Variants in TMEM132D observed in about 807,000 individuals in gnomAD.
TMEM132D encodes mature OL transmembrane protein.
In TMEM132D, 21 loss-of-function variants were observed where a neutral mutation model predicts 62.3. That is an observed-to-expected ratio of 0.34 (90% CI 0.24 to 0.49). The LOEUF (loss-of-function observed/expected upper bound fraction) is 0.49, where lower values mean the gene tolerates loss of function less well. Ranked by LOEUF, TMEM132D falls within the 20% of genes least tolerant of loss-of-function variation. The probability of loss-of-function intolerance (pLI) is 0.99; values close to 1 mark genes in which losing one functional copy is unlikely to be tolerated. For missense variants in TMEM132D, 1,346 were observed against 1,402.8 expected, an observed-to-expected ratio of 0.96 and a Z score of 0.65; for synonymous variants, 621 against 575.6, an observed-to-expected ratio of 1.08 and a Z score of -1.13.
At chr12:129,245,562 T>G (rs1880075497) in intron 4 of TMEM132D, among the ~76,000 whole-genome samples, 1 of 152,112 alleles carries the variant, frequency 6.6e-6, no homozygotes, top group Admixed American at 6.6e-5. Context: ...AACTTTTTTT[T>G]TTTTTGGAAT....
chr12:129,231,407 C>T (rs1879636227), intron 4 of TMEM132D, among the ~76,000 whole-genome samples: 1 of 152,162 alleles, frequency 6.6e-6, no homozygotes, highest in African/African-American at 2.4e-5. Context: ...TTTACATTTC[C>T]TGGCTGGAAT....
intron 2 of TMEM132D, among the ~76,000 whole-genome samples, chr12:129,593,884 T>C (rs1878263926): frequency 6.6e-6 from 1 of 152,092 alleles, no homozygotes; most frequent in African/African-American, 2.4e-5. Flanking sequence ...GTTTTTAAAG[T>C]TTTTATATTT....
At chr12:129,395,928 C>T (rs889279732) in intron 3 of TMEM132D, among the ~76,000 whole-genome samples, 6 of 145,040 alleles carry the variant, frequency 4.1e-5, no homozygotes, top group African/African-American at 1.5e-4. Context: ...ATATTATACA[C>T]ATACTATATA....
chr12:129,636,672 T>TAATGACCA (rs1473805210), intron 2 of TMEM132D, among the ~76,000 whole-genome samples: 1 of 147,752 alleles, frequency 6.8e-6, no homozygotes, highest in African/African-American at 2.5e-5. Flanking sequence ...TTTTCCCAGG[T>TAATGACCA]AATGACCAAG....
At chr12:129,619,318 T>A (rs777275447) in intron 2 of TMEM132D, among the ~76,000 whole-genome samples, 19 of 152,298 alleles carry the variant, frequency 1.2e-4, no homozygotes, top group Middle Eastern at 3.4e-3. Flanking sequence ...TCGATCTGCA[T>A]CCCTGTTGAA....
At chr12:129,096,402 G>A (rs529520667) in intron 5 of TMEM132D, among the ~76,000 whole-genome samples, 1 of 152,120 alleles carries the variant, frequency 6.6e-6, no homozygotes, top group Non-Finnish European at 1.5e-5. Flanking sequence ...GGATGGCAGC[G>A]GGAGCTCTTG....
At chr12:129,109,208 A>C (rs935757492) in intron 5 of TMEM132D, among the ~76,000 whole-genome samples, 2 of 152,172 alleles carry the variant, frequency 1.3e-5, no homozygotes, top group Non-Finnish European at 2.9e-5. Flanking sequence ...TGGCCGTGTG[A>C]GTTTTTCCTT....
intron 3 of TMEM132D, among the ~76,000 whole-genome samples, chr12:129,373,283 C>T (rs949245182): frequency 6.6e-6 from 1 of 152,130 alleles, no homozygotes; most frequent in Non-Finnish European, 1.5e-5. Context: ...AAAGTTTGGG[C>T]CTCATAAAAA....
At chr12:129,286,352 A>G (rs1009213788) in intron 4 of TMEM132D, among the ~76,000 whole-genome samples, 8 of 152,236 alleles carry the variant, frequency 5.3e-5, no homozygotes, top group Non-Finnish European at 1.2e-4. Context: ...TCATCTTCTT[A>G]TAGTTCAGCT....
chr12:129,722,734 C>CTTTCTTTTTT (rs1565962313), intron 1 of TMEM132D, among the ~76,000 whole-genome samples: 1 of 36,870 alleles, frequency 2.7e-5, no homozygotes, highest in Non-Finnish European at 7.8e-5. Context: ...GCTCCTTTTT[C>CTTTCTTTTTT]TTTTTTTCTT....
Position 129,572,276 on chromosome 12 carries a change from G to A in TMEM132D, c.969-41071C>T, listed in dbSNP as rs117600782. ...TGTGCACAGTGTCTGGAATAAGGTC[G>A]TGCTGCCTTGACGCCGCCTGTTGAA... is the stretch of plus-strand genomic sequence containing the variant. On this transcript the variant is annotated intron_variant, in intron 2 of 8. Coordinates refer to ENST00000422113, the MANE Select transcript of TMEM132D (RefSeq NM_133448.3). Among the ~76,000 whole-genome samples the A allele has an allele frequency of 5.3e-3, 814 of 152,348 alleles. 21 individuals are homozygous for A. In the South Asian group the frequency reaches 0.073, roughly 14 times the overall value.
At chr12:129,208,823 T>C (rs1397654078) in intron 5 of TMEM132D, 1 of 152,252 alleles carries the variant, frequency 6.6e-6, no homozygotes, top group Non-Finnish European at 1.5e-5. Context: ...AAGTGTGCTA[T>C]GAGGTTCCTG....
intron 4 of TMEM132D, among the ~76,000 whole-genome samples, chr12:129,289,694 A>C (rs1333882107): frequency 6.6e-6 from 1 of 152,238 alleles, no homozygotes; most frequent in Non-Finnish European, 1.5e-5. Context: ...ATTGAGGGGT[A>C]ATATGCTAAT....
At chr12:129,282,939 TC>T (rs1470230649) in intron 4 of TMEM132D, among the ~76,000 whole-genome samples, 5 of 152,188 alleles carry the variant, frequency 3.3e-5, no homozygotes, top group Non-Finnish European at 7.3e-5. Flanking sequence ...TGTCTGCCTT[TC>T]TGGTCATCTG....
intron 3 of TMEM132D, among the ~76,000 whole-genome samples, chr12:129,338,764 T>C (rs1379768849): frequency 6.6e-6 from 1 of 152,214 alleles, no homozygotes; most frequent in East Asian, 1.9e-4. Flanking sequence ...CTCTGACATG[T>C]AGGAGAATAA....
At chr12:129,394,683 G>T (rs1340385828) in intron 3 of TMEM132D, among the ~76,000 whole-genome samples, 1 of 152,236 alleles carries the variant, frequency 6.6e-6, no homozygotes, top group African/African-American at 2.4e-5. Context: ...CACATACAAT[G>T]CCCACAAATG....
intron 5 of TMEM132D, among the ~76,000 whole-genome samples, chr12:129,190,140 AGGGG>A (rs869164197): frequency 7.6e-5 from 2 of 26,306 alleles, no homozygotes; most frequent in East Asian, 1.9e-3. Flanking sequence ...AGATGGAGGG[AGGGG>A]GTCTCAGGCC....
At chr12:129,676,349 C>T (rs1056397598) in intron 2 of TMEM132D, among the ~76,000 whole-genome samples, 3 of 152,136 alleles carry the variant, frequency 2.0e-5, no homozygotes, top group African/African-American at 7.2e-5. Flanking sequence ...CTAATCATAT[C>T]TATCATCTAT....
intron 4 of TMEM132D, among the ~76,000 whole-genome samples, chr12:129,310,145 CTG>C (rs1315079798): frequency 1.3e-5 from 2 of 152,136 alleles, no homozygotes; most frequent in Admixed American, 6.5e-5. Context: ...TGATTCACAA[CTG>C]TGCGTGATTG....
Sources: allele counts gnomAD v4.1 joint callset (sites outside exome capture counted in the v4.1 genomes callset), GRCh38; gene constraint gnomAD v4.1.1; transcripts MANE v1.5; gene names NCBI Gene and HGNC (gene_info 2026-07-23, HGNC 2026-07-21).